Variants in PLEKHG3 observed in about 807,000 individuals in gnomAD.
The protein encoded by PLEKHG3 is pleckstrin homology and RhoGEF domain containing G3, also known as pleckstrin homology domain-containing family G member 3.
Under a neutral mutation model 94.9 loss-of-function variants are expected in PLEKHG3, and 62 were observed. That is an observed-to-expected ratio of 0.65 (90% CI 0.53 to 0.81). The LOEUF is 0.81. PLEKHG3 is among the 30% of genes least tolerant of loss of function. The pLI is 0.00. For missense variants in PLEKHG3, 1,461 were observed against 1,619.3 expected, an observed-to-expected ratio of 0.90 and a Z score of 1.68; for synonymous variants, 614 against 654.0, an observed-to-expected ratio of 0.94 and a Z score of 0.93.
At chr14:64,736,986 G>A in intron 13 of PLEKHG3, 95 bp downstream of exon 13, 1 of 931,942 alleles carries the variant, frequency 1.1e-6, no homozygotes, top group African/African-American at 1.6e-5. Context: ...CCTGAGGGTG[G>A]AGGATTGTCA....
rs2139368611 is a variant in PLEKHG3, at chr14:64,718,072, A to G, written c.-39-9521A>G. ...TGCTCTCTTGGCAGCAAATGCACTC[A>G]GATCTCTTCACCTGGCAAAGCTTAC... On this transcript the variant is annotated intron_variant, in intron 1 of 16. Coordinates refer to ENST00000247226, the MANE Select transcript of PLEKHG3 (RefSeq NM_001308147.2). The surrounding 1 kb of genome is among the most constrained non-coding windows in gnomAD (Gnocchi z 5.0). Among the ~76,000 whole-genome samples the G allele has an allele frequency of 6.6e-6, 1 of 152,304 alleles. No homozygotes were observed. Among genetic ancestry groups the G allele is most frequent in the South Asian group, 2.1e-4 (1 of 4,834 alleles).
chr14:64,727,918 G>A lies in PLEKHG3; in HGVS notation c.287G>A (p.Arg96Gln), dbSNP rs1285335075. Reference protein sequence around the residue: ...PAHHKLSYLGRVVREIVETER... With the variant: ...PAHHKLSYLGQVVREIVETER... ...CACCACAAGCTCAGCTACCTGGGCC[G>A]AGTGGTGCGGGAGATCGTGGAGACA... The change falls in exon 2 of 17, where the codon CGA (arginine) becomes CAA (glutamine). Residue 96 changes from arginine (R) to glutamine (Q), a missense_variant. Arg to Gln is a conservative substitution (Grantham distance 43). Around this residue, in one of 3 missense-constraint regions of PLEKHG3, gnomAD observed 253 missense variants for 297.8 expected, o/e 0.85. Transcript: ENST00000247226. The surrounding 1 kb of genome is among the most constrained non-coding windows in gnomAD (Gnocchi z 6.0). 15 of 1,611,460 alleles carry A rather than the reference G, an allele frequency of 9.3e-6. No homozygotes were observed. Among genetic ancestry groups the A allele is most frequent in the African/African-American group, 1.3e-5 (1 of 75,038 alleles).
intron 1 of PLEKHG3, among the ~76,000 whole-genome samples, chr14:64,705,630 C>T (rs897876651): frequency 6.6e-6 from 1 of 152,216 alleles, no homozygotes; most frequent in Non-Finnish European, 1.5e-5. Flanking sequence ...CCAGCCGTGC[C>T]TCTGCACGCA....
chr14:64,741,352 G>C lies in PLEKHG3; in HGVS notation c.1835G>C (p.Ser612Thr), dbSNP rs1020997484. The C allele has an allele frequency of 3.1e-6, 5 of 1,613,476 alleles. No homozygotes were observed. The highest frequency in any genetic ancestry group is 2.7e-5 in the African/African-American group (2 of 74,950). The change falls in exon 16 of 17, where the codon AGC becomes ACC. Residue 612 changes from serine (S) to threonine (T), a missense_variant. By Grantham distance (58) the Ser-to-Thr change is moderately conservative. This residue lies in a region of PLEKHG3 where 1,201 missense variants were observed against 1,295.5 expected (regional missense o/e 0.93). Coordinates refer to ENST00000247226, the MANE Select transcript of PLEKHG3 (RefSeq NM_001308147.2). ...ASVIAERFVS[S>T]FSRRSSVAQE... Reference sequence around the variant, plus strand: ...GTCATTGCGGAGCGATTTGTCAGCAGCTTCTCTCGGCGGAGCAGCGTGGCA... The same window carrying C: ...GTCATTGCGGAGCGATTTGTCAGCACCTTCTCTCGGCGGAGCAGCGTGGCA...
At position 64,715,358 on chromosome 14, in the gene PLEKHG3, G is replaced by T. The variant is rs1193325187; in HGVS notation, c.-40+10654G>T. The stretch of plus-strand genomic sequence containing the variant: ...GGAGTGTGGATTCCAGCAAACCCTG[G>T]CTCCTCTACTTCCCTGACTGTATGG... On this transcript the variant is annotated intron_variant, in intron 1 of 16. Coordinates refer to ENST00000247226, the MANE Select transcript of PLEKHG3 (RefSeq NM_001308147.2). The surrounding 1 kb of genome is among the most constrained non-coding windows in gnomAD (Gnocchi z 4.4). 6.6e-6 allele frequency among the ~76,000 whole-genome samples: 1 copy of T among 152,182 alleles called. No homozygotes were observed. Among genetic ancestry groups the T allele is most frequent in the Non-Finnish European group, 1.5e-5 (1 of 68,028 alleles).
Position 64,716,023 on chromosome 14 carries a change from G to A in PLEKHG3, c.-40+11319G>A, listed in dbSNP as rs752529705. ...GTTAACTGCTAGGTTGCCGGTGCTG[G>A]GGACAATGCGGCTGCCCGGCCCCTC... On this transcript the variant is annotated intron_variant, in intron 1 of 16. Coordinates refer to ENST00000247226, the MANE Select transcript of PLEKHG3 (RefSeq NM_001308147.2). The surrounding 1 kb of genome is among the most constrained non-coding windows in gnomAD (Gnocchi z 5.0). 2.2e-6 allele frequency: 1 copy of A among 456,190 alleles called. No homozygotes were observed. Among genetic ancestry groups the A allele is most frequent in the South Asian group, 1.5e-5 (1 of 64,548 alleles). 28.3% of individuals were successfully genotyped at this position (456,190 alleles called of 1,614,324 possible).
At position 64,722,311 on chromosome 14, in the gene PLEKHG3, C is replaced by A. The variant is rs747357840; in HGVS notation, c.-39-5282C>A. On this transcript the variant is annotated intron_variant, in intron 1 of 16. Transcript: ENST00000247226. The surrounding 1 kb of genome is among the most constrained non-coding windows in gnomAD (Gnocchi z 4.3). Reference sequence around the variant, plus strand: ...CTCACTGCAACCTCCTGGGTTCAAGCAATTCTCCTGCCTCAGCCTCGCGAG... The same window carrying A: ...CTCACTGCAACCTCCTGGGTTCAAGAAATTCTCCTGCCTCAGCCTCGCGAG... 8.5e-5 allele frequency among the ~76,000 whole-genome samples: 13 copies of A among 152,112 alleles called. No homozygotes were observed. The highest frequency in any genetic ancestry group is 1.9e-4 in the Non-Finnish European group (13 of 67,998).
In PLEKHG3 at chr14:64,729,102, A is replaced by AT. The variant is rs1442109242; in HGVS notation, c.449+10dup. On this transcript the variant is annotated intron_variant, in intron 3 of 16. Transcript: ENST00000247226. ...ATCTACGCGCTGAACAGGTGTGTGA[A>AT]TGGGCCTGACACTCACCATGTTCTG... 4 of 1,325,892 alleles carry AT rather than the reference A, an allele frequency of 3.0e-6. No individual in the cohort carries two copies. The highest frequency in any genetic ancestry group is 4.2e-6 in the Non-Finnish European group (4 of 957,010). The allele number at this position is 1,325,892 out of a possible 1,614,324, so 82.1% of individuals were successfully genotyped here.
At position 64,730,494 on chromosome 14, in the gene PLEKHG3, C is replaced by T. The variant is rs2081437112; in HGVS notation, c.520-148C>T. 1 of 751,900 alleles carries T rather than the reference C, an allele frequency of 1.3e-6. No homozygotes were observed. The highest frequency in any genetic ancestry group is 1.7e-5 in the South Asian group (1 of 60,560). 46.6% of individuals were successfully genotyped at this position (751,900 alleles called of 1,614,324 possible). ...CAGGGCTGCTGGGTGGATGGGATGT[C>T]CTTGACAAATAGGTATAAAGATGGC... On this transcript the variant is annotated intron_variant, in intron 4 of 16. Transcript: ENST00000247226. The surrounding 1 kb of genome is among the most constrained non-coding windows in gnomAD (Gnocchi z 5.4).
At chr14:64,737,597 TG>T (rs1449070231) in intron 14 of PLEKHG3, among the ~76,000 whole-genome samples, 1 of 152,224 alleles carries the variant, frequency 6.6e-6, no homozygotes, top group Non-Finnish European at 1.5e-5. Context: ...AGCACCCTGC[TG>T]GGGGCCTGCC....
chr14:64,714,088 C>A (rs926537499), intron 1 of PLEKHG3, among the ~76,000 whole-genome samples: 2 of 152,048 alleles, frequency 1.3e-5, no homozygotes, highest in Non-Finnish European at 2.9e-5. Context: ...TCTTTAATTT[C>A]TAGTTCTTTG....
Position 64,743,789 on chromosome 14 carries a change from C to A in PLEKHG3, c.*86C>A. Reference sequence around the variant, plus strand: ...TCCCCTCAAGCCTGGGCTCATGGAGCCCCTGCCCAGGGCCCTCAGGTGGGC... The same window carrying A: ...TCCCCTCAAGCCTGGGCTCATGGAGACCCTGCCCAGGGCCCTCAGGTGGGC... On this transcript the variant is annotated 3_prime_UTR_variant, in exon 17 of 17. Transcript: ENST00000247226. The surrounding 1 kb of genome is among the most constrained non-coding windows in gnomAD (Gnocchi z 7.2). The A allele has an allele frequency of 1.4e-6, 2 of 1,424,930 alleles. No homozygotes were observed. The highest frequency in any genetic ancestry group is 1.4e-5 in the African/African-American group (1 of 69,834). The allele number at this position is 1,424,930 out of a possible 1,614,324, so 88.3% of individuals were successfully genotyped here. A position where few individuals can be genotyped will look rare whatever the true frequency, so the allele number is the denominator to read the frequency against.
At position 64,730,136 on chromosome 14, in the gene PLEKHG3, G is replaced by A. The variant is rs1239748032; in HGVS notation, c.450-107G>A. On this transcript the variant is annotated intron_variant, in intron 3 of 16. Transcript: ENST00000247226. This position sits in a 1 kb window ranked among gnomAD's most constrained non-coding sequence, Gnocchi z 5.4. The stretch of plus-strand genomic sequence containing the variant: ...CTAGAAGCCCCAGTTCTTTAGCAAA[G>A]CAATAGGGCTGGCTGTCAGTCAGGG... The A allele has an allele frequency of 1.5e-6, 1 of 659,664 alleles. No homozygotes were observed. Among genetic ancestry groups the A allele is most frequent in the Non-Finnish European group, 2.7e-6 (1 of 370,442 alleles). 40.9% of individuals were successfully genotyped at this position (659,664 alleles called of 1,614,324 possible).
rs1459811225 is a variant in PLEKHG3, at chr14:64,723,568, T to TCA, written c.-39-4024_-39-4023dup. 6.6e-6 allele frequency among the ~76,000 whole-genome samples: 1 copy of TCA among 152,106 alleles called. No homozygotes were observed. The highest frequency in any genetic ancestry group is 1.9e-4 in the East Asian group (1 of 5,190). On this transcript the variant is annotated intron_variant, in intron 1 of 16. Coordinates refer to ENST00000247226, the MANE Select transcript of PLEKHG3 (RefSeq NM_001308147.2). The surrounding 1 kb of genome is among the most constrained non-coding windows in gnomAD (Gnocchi z 4.5). ...CAGGCTGGAGTACAGTGGCGCGATCTCAGCTCACTGAAACATCTGCCTTCC... is the reference window on the plus strand; with the variant it reads ...CAGGCTGGAGTACAGTGGCGCGATCTCACAGCTCACTGAAACATCTGCCTTCC...
Position 64,727,498 on chromosome 14 carries a change from C to T in PLEKHG3, c.-39-95C>T. The stretch of plus-strand genomic sequence containing the variant: ...CTCTGGATGCACTAAATAATACCTT[C>T]CCACCCCACCTGCCCCCACCCCTGG... On this transcript the variant is annotated intron_variant, in intron 1 of 16. Transcript: ENST00000247226. The surrounding 1 kb of genome is among the most constrained non-coding windows in gnomAD (Gnocchi z 6.0). 43 of 357,862 alleles carry T rather than the reference C, an allele frequency of 1.2e-4. No homozygotes were observed. Among genetic ancestry groups the T allele is most frequent in the East Asian group, 3.5e-4 (5 of 14,104 alleles). 22.2% of individuals were successfully genotyped at this position (357,862 alleles called of 1,614,324 possible).
Position 64,715,004 on chromosome 14 carries a change from G to T in PLEKHG3, c.-40+10300G>T, listed in dbSNP as rs1336325060. The stretch of plus-strand genomic sequence containing the variant: ...TCAGAGAAAACAGCTTGGGATACTT[G>T]CTACTCACTGAGACCCCGTGCAGGT... On this transcript the variant is annotated intron_variant, in intron 1 of 16. Coordinates refer to ENST00000247226, the MANE Select transcript of PLEKHG3 (RefSeq NM_001308147.2). The surrounding 1 kb of genome is among the most constrained non-coding windows in gnomAD (Gnocchi z 4.4). 2.0e-5 allele frequency among the ~76,000 whole-genome samples: 3 copies of T among 152,158 alleles called. No individual in the cohort carries two copies. The highest frequency in any genetic ancestry group is 2.9e-5 in the Non-Finnish European group (2 of 68,036).
rs892274448 is a variant in PLEKHG3 at position 64,726,331 on chromosome 14, T to C, written c.-39-1262T>C. ...CTCTGCCCTTTAGTCATGTCTGGGG[T>C]CTAGTCACTTCTGAGCCCTAGAGCT... On this transcript the variant is annotated intron_variant, in intron 1 of 16. Coordinates refer to ENST00000247226, the MANE Select transcript of PLEKHG3 (RefSeq NM_001308147.2). This position sits in a 1 kb window ranked among gnomAD's most constrained non-coding sequence, Gnocchi z 5.1. Among the ~76,000 whole-genome samples, 8 of 152,072 alleles carry C rather than the reference T, an allele frequency of 5.3e-5. No individual in the cohort carries two copies. Among genetic ancestry groups the C allele is most frequent in the Admixed American group, 5.2e-4 (8 of 15,276 alleles).
At position 64,739,515 on chromosome 14, in the gene PLEKHG3, C is replaced by A. The variant is rs1487326899; in HGVS notation, c.1518+660C>A. Among the ~76,000 whole-genome samples the A allele has an allele frequency of 6.6e-6, 1 of 152,334 alleles. No individual in the cohort carries two copies. The highest frequency in any genetic ancestry group is 1.9e-4 in the East Asian group (1 of 5,194). ...GAAAGATCGTGAGCTACAGCCTGGA[C>A]CCCATGTTGGACCCCACAGCCAGGA... is the stretch of plus-strand genomic sequence containing the variant. On this transcript the variant is annotated intron_variant, in intron 15 of 16. Coordinates refer to ENST00000247226, the MANE Select transcript of PLEKHG3 (RefSeq NM_001308147.2). The surrounding 1 kb of genome is among the most constrained non-coding windows in gnomAD (Gnocchi z 4.1).
rs112524370 is a variant in PLEKHG3 at position 64,716,113 on chromosome 14, A to C, written c.-40+11409A>C. 1.9e-3 allele frequency: 878 copies of C among 454,456 alleles called. 8 individuals are homozygous for C. Among genetic ancestry groups the C allele is most frequent in the African/African-American group, 0.016 (798 of 50,122 alleles). The allele number at this position is 454,456 out of a possible 1,614,324, so 28.2% of individuals were successfully genotyped here. A position where few individuals can be genotyped will look rare whatever the true frequency, so the allele number is the denominator to read the frequency against. ...AAGCGGTAGGTACCCGGCTGGGGCC[A>C]GGCCAGGGGATGGGAATGGGGTGGG... On this transcript the variant is annotated intron_variant, in intron 1 of 16. Transcript: ENST00000247226. The surrounding 1 kb of genome is among the most constrained non-coding windows in gnomAD (Gnocchi z 5.0).
Sources: gnomAD v4.1 joint callset for allele counts (sites outside exome capture counted in the v4.1 genomes callset) on GRCh38, gnomAD v4.1.1 for gene constraint, gnomAD v4.1.1 regional missense constraint, Gnocchi (gnomAD v3.1) non-coding constraint, MANE v1.5 for transcripts, NCBI Gene and HGNC (gene_info 2026-07-23, HGNC 2026-07-21) for gene names.